The following HID1 variants were observed in gnomAD, a reference collection of about 807,000 sequenced individuals.
HID1 encodes protein HID1.
Under a neutral mutation model 89.7 loss-of-function variants are expected in HID1, and 42 were observed. That is an observed-to-expected ratio of 0.47 (90% CI 0.37 to 0.61). The LOEUF (loss-of-function observed/expected upper bound fraction) is 0.61. Among genes scored for constraint, HID1 ranks in the 20% least tolerant of loss-of-function variants. HID1 has a pLI of 0.00. For missense variants in HID1, 854 were observed against 1,039.3 expected (o/e 0.82, Z 2.45); for synonymous variants, 442 against 433.8 (o/e 1.02, Z -0.24).
intron 1 of HID1, among the ~76,000 whole-genome samples, chr17:74,967,136 G>A (rs1038050533): frequency 2.0e-5 from 3 of 152,026 alleles, no homozygotes; most frequent in Non-Finnish European, 2.9e-5. Flanking sequence ...CTACTCAGGA[G>A]GCTGAGGCAG....
At chr17:74,969,907 A>T (rs2039619283) in intron 1 of HID1, among the ~76,000 whole-genome samples, 1 of 137,222 alleles carries the variant, frequency 7.3e-6, no homozygotes. Flanking sequence ...GGCCAAAATC[A>T]GATTTTTCTT....
chr17:74,952,303 G>A lies in HID1; in HGVS notation c.2110C>T (p.Leu704=). 1 of 1,613,790 alleles carries A rather than the reference G, an allele frequency of 6.2e-7. No individual in the cohort carries two copies. The highest frequency in any genetic ancestry group is 8.5e-7 in the Non-Finnish European group (1 of 1,179,900). ...CAGATCTTCTCCACCTGCGGAACCA[G>A]CACCTGCAGCAGCCTCATGATGGTC... ...LQTIMRLLQV[L]VPQVEKICID... The change falls in exon 17 of 19, where the codon CTG becomes TTG. Residue 704 remains leucine (L), a synonymous_variant. Transcript: ENST00000425042.
chr17:74,966,335 G>A (rs1026787632), intron 1 of HID1, among the ~76,000 whole-genome samples: 40 of 148,440 alleles, frequency 2.7e-4, no homozygotes, highest in Non-Finnish European at 8.9e-5. Flanking sequence ...CAGAATGTTA[G>A]TAGCAACTCT....
At chr17:74,956,644 C>T (rs1037436496) in intron 12 of HID1, among the ~76,000 whole-genome samples, 4 of 152,186 alleles carry the variant, frequency 2.6e-5, no homozygotes, top group African/African-American at 9.7e-5. Flanking sequence ...CACAGCCCAG[C>T]TAGAGGCCTC....
intron 17 of HID1, 33 bp from the exon 18 acceptor site, chr17:74,952,096 C>A: frequency 6.4e-7 from 1 of 1,552,268 alleles, no homozygotes; most frequent in South Asian, 1.2e-5. Context: ...AGCACACTCA[C>A]GTGGTCCAGG....
Position 74,962,897 on chromosome 17 carries a change from A to G in HID1, c.504+68T>C. 2 of 1,187,768 alleles carry G rather than the reference A, an allele frequency of 1.7e-6. No individual in the cohort carries two copies. Among genetic ancestry groups the G allele is most frequent in the Non-Finnish European group, 2.4e-6 (2 of 821,006 alleles). 73.6% of individuals were successfully genotyped at this position (1,187,768 alleles called of 1,614,324 possible). A position where few individuals can be genotyped will look rare whatever the true frequency, so the allele number is the denominator to read the frequency against. ...GTGCAATCCGCCCAAGGGAACTTCA[A>G]CTGGCCCGGCCCCAACCCAGGACCA... is the stretch of plus-strand genomic sequence containing the variant. On this transcript the variant is annotated intron_variant, in intron 4 of 18. Transcript: ENST00000425042. The surrounding 1 kb of genome is among the most constrained non-coding windows in gnomAD (Gnocchi z 4.3).
At chr17:74,957,069 G>A (rs548593744) in intron 12 of HID1, among the ~76,000 whole-genome samples, 27 of 152,304 alleles carry the variant, frequency 1.8e-4, no homozygotes, top group Admixed American at 1.5e-3. Context: ...AGTGGCTCAC[G>A]CCTGTATAAT....
intron 1 of HID1, among the ~76,000 whole-genome samples, chr17:74,965,343 C>T (rs138586149): frequency 1.1e-3 from 170 of 152,364 alleles, no homozygotes; most frequent in African/African-American, 3.9e-3. Context: ...GCTTCCTCAC[C>T]CAGAGCCCTT....
intron 1 of HID1, among the ~76,000 whole-genome samples, chr17:74,968,744 C>A (rs1330192568): frequency 6.6e-6 from 1 of 152,176 alleles, no homozygotes; most frequent in Non-Finnish European, 1.5e-5. Context: ...GGGAGTGCCT[C>A]TGGGAAGCCG....
intron 1 of HID1, among the ~76,000 whole-genome samples, chr17:74,969,133 C>T (rs2039605836): frequency 1.4e-5 from 2 of 144,030 alleles, no homozygotes; most frequent in Non-Finnish European, 3.0e-5. Context: ...TGGCTCAGCG[C>T]CTGCCTCAAT....
At chr17:74,969,237 C>T (rs1598637517) in intron 1 of HID1, among the ~76,000 whole-genome samples, 1 of 152,260 alleles carries the variant, frequency 6.6e-6, no homozygotes, top group African/African-American at 2.4e-5. Flanking sequence ...CTCTGTGGCC[C>T]AGGCTGGAGT....
At chr17:74,951,795 C>G (rs1361734194) in intron 18 of HID1, 110 bp downstream of exon 18, 1 of 1,394,652 alleles carries the variant, frequency 7.2e-7, no homozygotes, top group Admixed American at 2.3e-5. Flanking sequence ...CCTTAGTTGA[C>G]TGTCTTGACA....
rs761303160 is a variant in HID1 at position 74,964,528 on chromosome 17, G to T, written c.171C>A (p.Ala57=). Residue 57 remains alanine (A), a synonymous_variant, in exon 2 of 19, where the codon GCC becomes GCA. Transcript: ENST00000425042. ...AGTTGGAGGGTGACTCTTCCCGCACGGCCCGGATCTCTGCTGCCGGCACCA... is the reference window on the plus strand; with the variant it reads ...AGTTGGAGGGTGACTCTTCCCGCACTGCCCGGATCTCTGCTGCCGGCACCA... The part of the protein sequence containing the change: ...FALVPAAEIR[A]VREESPSNLA... 1.9e-6 allele frequency: 3 copies of T among 1,610,100 alleles called. No homozygotes were observed. In the South Asian group the frequency reaches 3.3e-5, roughly 18 times the overall value.
chr17:74,958,241 C>T lies in HID1; in HGVS notation c.1393-22G>A, dbSNP rs781592640. 26 of 1,608,626 alleles carry T rather than the reference C, an allele frequency of 1.6e-5. No homozygotes were observed. The highest frequency in any genetic ancestry group is 1.1e-4 in the East Asian group (5 of 44,688). ...ACACCTGTGCCAGGAGGGACAGAGG[C>T]ACCGTGGGGTCCCCGCTGCCTCCAG... On this transcript the variant is annotated intron_variant, in intron 11 of 18. Transcript: ENST00000425042. The surrounding 1 kb of genome is among the most constrained non-coding windows in gnomAD (Gnocchi z 5.2).
At position 74,964,464 on chromosome 17, in the gene HID1, G is replaced by C. The variant is rs2039531890; in HGVS notation, c.216+19C>G. ...CTGGGAGGGTGGAAGAGTAGCAGGA[G>C]GGACTGGGCAGCCCTCACCTTGTAG... On this transcript the variant is annotated intron_variant, in intron 2 of 18. Coordinates refer to ENST00000425042, the MANE Select transcript of HID1 (RefSeq NM_030630.3). 6.2e-7 allele frequency: 1 copy of C among 1,603,906 alleles called. No homozygotes were observed. Among genetic ancestry groups the C allele is most frequent in the East Asian group, 2.2e-5 (1 of 44,520 alleles).
chr17:74,969,310 T>A (rs2039609567), intron 1 of HID1, among the ~76,000 whole-genome samples: 1 of 152,096 alleles, frequency 6.6e-6, no homozygotes, highest in Non-Finnish European at 1.5e-5. Context: ...TTCTCCTGCC[T>A]CAGCCCCCGG....
At chr17:74,960,832 G>A (rs779512389) in intron 6 of HID1, among the ~76,000 whole-genome samples, 6 of 152,206 alleles carry the variant, frequency 3.9e-5, no homozygotes, top group Non-Finnish European at 5.9e-5. Flanking sequence ...CTGGAAGGCG[G>A]AGGTCGACCG....
In HID1 at chr17:74,954,273, C is replaced by T. The variant is rs1312574293; in HGVS notation, c.1729G>A (p.Ala577Thr). 1 of 1,588,230 alleles carries T rather than the reference C, an allele frequency of 6.3e-7. No homozygotes were observed. The highest frequency in any genetic ancestry group is 1.8e-5 in the Admixed American group (1 of 55,192). The change falls in exon 14 of 19, where the codon GCC becomes ACC. Residue 577 changes from alanine to threonine, a missense_variant. Physicochemically the swap from Ala to Thr is moderately conservative, Grantham distance 58. Transcript: ENST00000425042. ...LPTDPPTIHKALQRRRRTPEP... is the reference protein window; with the variant it reads ...LPTDPPTIHKTLQRRRRTPEP... The stretch of plus-strand genomic sequence containing the variant: ...GGTGTCCGCCGGCGCCGCTGCAGGG[C>T]CTTGTGAATGGTGGGCGGGTCCGTG...
At position 74,963,058 on chromosome 17, in the gene HID1, A is replaced by T. The variant is rs769771624; in HGVS notation, c.411T>A (p.His137Gln). The change falls in exon 4 of 19, where the codon CAT becomes CAA. Residue 137 changes from histidine (H) to glutamine (Q), a missense_variant. Physicochemically the swap from His to Gln is conservative, Grantham distance 24. Transcript: ENST00000425042. ...GCAGGGACTCGGCCAGGGGCCTGGC[A>T]TGCTCATCATCCTCTTCTCCCTGCT... is the stretch of plus-strand genomic sequence containing the variant. ...RGGQGEEDDE[H>Q]ARPLAESLLL... The T allele has an allele frequency of 2.5e-6, 4 of 1,611,758 alleles. No individual in the cohort carries two copies. Among genetic ancestry groups the T allele is most frequent in the Non-Finnish European group, 3.4e-6 (4 of 1,178,852 alleles).
Sources: gnomAD v4.1 joint callset for allele counts (sites outside exome capture counted in the v4.1 genomes callset) on GRCh38, gnomAD v4.1.1 for gene constraint, Gnocchi (gnomAD v3.1) non-coding constraint, MANE v1.5 for transcripts, NCBI Gene and HGNC (gene_info 2026-07-23, HGNC 2026-07-21) for gene names.